Variants in LHFPL3 observed in about 807,000 individuals in gnomAD.
LHFPL3 encodes the protein LHFPL tetraspan subfamily member 3.
In LHFPL3, 5 loss-of-function variants were observed where a neutral mutation model predicts 19.3. The observed-to-expected ratio is 0.26, with a 90% CI of 0.14 to 0.54. The LOEUF is 0.54. Ranked by LOEUF, LHFPL3 falls within the 20% of genes least tolerant of loss-of-function variation. The pLI, the probability that LHFPL3 is intolerant of heterozygous loss-of-function variation, is 0.94. For missense variants in LHFPL3, 249 were observed against 307.4 expected (o/e 0.81, Z 1.42); for synonymous variants, 133 against 126.2 (o/e 1.05, Z -0.36).
At chr7:104,432,692 A>G (rs1437277651) in intron 1 of LHFPL3, among the ~76,000 whole-genome samples, 1 of 152,188 alleles carries the variant, frequency 6.6e-6, no homozygotes, top group African/African-American at 2.4e-5. Flanking sequence ...CAATCTTGGC[A>G]GCTCCTCATA....
At chr7:104,647,094 T>G (rs1791948886) in intron 1 of LHFPL3, among the ~76,000 whole-genome samples, 1 of 152,252 alleles carries the variant, frequency 6.6e-6, no homozygotes, top group African/African-American at 2.4e-5. Flanking sequence ...GCAGCCTGAA[T>G]TAGTTACTTC....
chr7:104,460,974 C>T (rs1319910287), intron 1 of LHFPL3, among the ~76,000 whole-genome samples: 1 of 152,154 alleles, frequency 6.6e-6, no homozygotes, highest in Non-Finnish European at 1.5e-5. Context: ...TTGGGTTTTA[C>T]ATTTGAGTCT....
intron 2 of LHFPL3, among the ~76,000 whole-genome samples, chr7:104,804,805 A>G (rs1790323184): frequency 6.6e-6 from 1 of 152,158 alleles, no homozygotes; most frequent in African/African-American, 2.4e-5. Flanking sequence ...ATCAGCCCTG[A>G]CCAATATCTT....
At chr7:104,809,769 A>T (rs1430978844) in intron 2 of LHFPL3, among the ~76,000 whole-genome samples, 1 of 152,210 alleles carries the variant, frequency 6.6e-6, no homozygotes, top group African/African-American at 2.4e-5. Context: ...TAGCTCAGAT[A>T]CCCTGGATTG....
rs1231095353 is a variant in LHFPL3, at chr7:104,328,896, G to A, written c.117G>A (p.Leu39=). 2 of 1,614,106 alleles carry A rather than the reference G, an allele frequency of 1.2e-6. No individual in the cohort carries two copies. Among genetic ancestry groups the A allele is most frequent in the South Asian group, 1.1e-5 (1 of 91,092 alleles). Residue 39 remains leucine, a synonymous_variant, in exon 1 of 3, where the codon CTG becomes CTA. Coordinates refer to ENST00000424859, the MANE Select transcript of LHFPL3 (RefSeq NM_199000.3). The surrounding 1 kb of genome is among the most constrained non-coding windows in gnomAD (Gnocchi z 4.6). ...YVRNSRAIGV[L]WAIFTICFAI... ...GGAACTCGCGGGCCATCGGCGTGCT[G>A]TGGGCCATCTTCACCATCTGCTTTG...
chr7:104,690,278 G>A (rs914328213), intron 1 of LHFPL3, among the ~76,000 whole-genome samples: 3 of 152,256 alleles, frequency 2.0e-5, no homozygotes, highest in African/African-American at 7.2e-5. Flanking sequence ...GGTACCTGGT[G>A]TGCAGCCACT....
chr7:104,827,932 G>A (rs1212213721), intron 2 of LHFPL3, among the ~76,000 whole-genome samples: 1 of 151,864 alleles, frequency 6.6e-6, no homozygotes, highest in Non-Finnish European at 1.5e-5. Context: ...TTGCAGATTT[G>A]AAAGCAGCTG....
chr7:104,378,077 T>C (rs1019676393), intron 1 of LHFPL3, among the ~76,000 whole-genome samples: 1 of 152,202 alleles, frequency 6.6e-6, no homozygotes, highest in African/African-American at 2.4e-5. Flanking sequence ...CCAGTTCAAA[T>C]GTACAGTTTA....
chr7:104,757,546 G>A (rs1488257531), intron 2 of LHFPL3: 1 of 151,906 alleles, frequency 6.6e-6, no homozygotes, highest in Non-Finnish European at 1.5e-5. Context: ...AAAAAGACAT[G>A]AACAGACACT....
chr7:104,812,185 T>C (rs1562800760), intron 2 of LHFPL3, among the ~76,000 whole-genome samples: 1 of 152,152 alleles, frequency 6.6e-6, no homozygotes, highest in Non-Finnish European at 1.5e-5. Flanking sequence ...GTCCACAAAG[T>C]CTCCATCTGA....
intron 1 of LHFPL3, among the ~76,000 whole-genome samples, chr7:104,612,129 T>C: frequency 6.6e-6 from 1 of 152,212 alleles, no homozygotes; most frequent in Non-Finnish European, 1.5e-5. Flanking sequence ...GGGACATAAT[T>C]ACTTAAATAT....
intron 1 of LHFPL3, among the ~76,000 whole-genome samples, chr7:104,614,208 C>A (rs1791264503): frequency 6.6e-6 from 1 of 152,110 alleles, no homozygotes; most frequent in Non-Finnish European, 1.5e-5. Context: ...AACATGAGGG[C>A]TGTCTTGGTC....
chr7:104,462,590 A>T (rs544615291), intron 1 of LHFPL3, among the ~76,000 whole-genome samples: 2 of 152,180 alleles, frequency 1.3e-5, no homozygotes, highest in South Asian at 4.1e-4. Flanking sequence ...AATGAAGCCT[A>T]TTTGATCATG....
At chr7:104,368,687 G>A (rs1298929062) in intron 1 of LHFPL3, among the ~76,000 whole-genome samples, 1 of 149,412 alleles carries the variant, frequency 6.7e-6, no homozygotes, top group Non-Finnish European at 1.5e-5. Context: ...GTGTTGTTTT[G>A]TTTTGTTTTT....
At chr7:104,522,160 G>A (rs1454018299) in intron 1 of LHFPL3, among the ~76,000 whole-genome samples, 1 of 152,008 alleles carries the variant, frequency 6.6e-6, no homozygotes, top group Non-Finnish European at 1.5e-5. Context: ...ATGATAGACT[G>A]GATTAAGAAA....
chr7:104,793,765 T>G (rs1345430386), intron 2 of LHFPL3, among the ~76,000 whole-genome samples: 1 of 152,198 alleles, frequency 6.6e-6, no homozygotes, highest in African/African-American at 2.4e-5. Flanking sequence ...ATGTCAAAAT[T>G]GAATGTGGTT....
chr7:104,700,894 A>T (rs1013628695), intron 1 of LHFPL3, among the ~76,000 whole-genome samples: 2 of 152,076 alleles, frequency 1.3e-5, no homozygotes, highest in African/African-American at 4.8e-5. Context: ...CCCTAACTGT[A>T]CCAATTTATC....
chr7:104,450,111 C>A (rs955951708), intron 1 of LHFPL3, among the ~76,000 whole-genome samples: 3 of 152,166 alleles, frequency 2.0e-5, no homozygotes, highest in African/African-American at 7.2e-5. Context: ...TCAGAAACAT[C>A]TGTGGTCTTG....
At chr7:104,562,306 A>C (rs1297280531) in intron 1 of LHFPL3, among the ~76,000 whole-genome samples, 1 of 152,036 alleles carries the variant, frequency 6.6e-6, no homozygotes, top group African/African-American at 2.4e-5. Flanking sequence ...TCTCCCCATC[A>C]CTTTCAGGTA....
Sources: gnomAD v4.1 joint callset for allele counts (sites outside exome capture counted in the v4.1 genomes callset) on GRCh38, gnomAD v4.1.1 for gene constraint, Gnocchi (gnomAD v3.1) non-coding constraint, MANE v1.5 for transcripts, NCBI Gene and HGNC (gene_info 2026-07-23, HGNC 2026-07-21) for gene names.